Variants in ERICH6 observed in about 807,000 individuals in gnomAD.
ERICH6 encodes the protein glutamate-rich protein 6.
Under a neutral mutation model 71.0 loss-of-function variants are expected in ERICH6, and 71 were observed. The ratio of observed to expected loss-of-function variants is 1.00; its 90% confidence interval spans 0.83 to 1.22. The LOEUF (loss-of-function observed/expected upper bound fraction) is 1.22. Among genes scored for constraint, ERICH6 ranks in the 50% most tolerant of loss-of-function variants. ERICH6 has a pLI of 0.00. For missense variants in ERICH6, 808 were observed against 797.2 expected, an observed-to-expected ratio of 1.01 and a Z score of -0.16; for synonymous variants, 262 against 278.4, an observed-to-expected ratio of 0.94 and a Z score of 0.59.
chr3:150,684,752 A>G (rs766442070), intron 6 of ERICH6, among the ~76,000 whole-genome samples: 9 of 152,084 alleles, frequency 5.9e-5, no homozygotes, highest in Non-Finnish European at 1.0e-4. Flanking sequence ...TATAGCAAAT[A>G]TTCACCCATG....
In ERICH6 at chr3:150,702,270, CTTTTTT is replaced by C. The variant is rs63679260; in HGVS notation, c.404-98_404-93del. ...AGGAACACATGGCAATGTCTGGAGACTTTTTTTTTTTTTTTTTTTTTTTTGAGACGG... is the reference window on the plus strand; with the variant it reads ...AGGAACACATGGCAATGTCTGGAGACTTTTTTTTTTTTTTTTTTGAGACGG... On this transcript the variant is annotated intron_variant, in intron 1 of 13. Coordinates refer to ENST00000295910, the MANE Select transcript of ERICH6 (RefSeq NM_152394.5). 592 of 163,796 alleles carry C rather than the reference CTTTTTT, an allele frequency of 3.6e-3. 2 individuals are homozygous for C. Among genetic ancestry groups the C allele is most frequent in the South Asian group, 6.5e-3 (109 of 16,774 alleles). The allele number at this position is 163,796 out of a possible 1,614,324, so 10.1% of individuals were successfully genotyped here.
chr3:150,669,922 G>A (rs957014553), intron 11 of ERICH6, among the ~76,000 whole-genome samples: 1 of 152,168 alleles, frequency 6.6e-6, no homozygotes, highest in African/African-American at 2.4e-5. Flanking sequence ...GGCTGGGCAT[G>A]GTGGCTCATG....
intron 5 of ERICH6, 48 bp from the exon 6 acceptor site, chr3:150,685,906 T>C (rs1467322570): frequency 4.4e-6 from 7 of 1,604,976 alleles, no homozygotes; most frequent in Non-Finnish European, 6.0e-6. Context: ...AATTGAAGAT[T>C]TGATAAGCCA....
Position 150,695,638 on chromosome 3 carries a change from A to G in ERICH6, c.553+3153T>C, listed in dbSNP as rs537658113. On this transcript the variant is annotated intron_variant, in intron 3 of 13. Transcript: ENST00000295910. ...GGCCGAGATCGCGCCACTCCACTCC[A>G]GCCTGGCGACAGAGCGAGACTTCGT... Among the ~76,000 whole-genome samples the G allele has an allele frequency of 1.5e-4, 23 of 152,302 alleles. No individual in the cohort carries two copies. The South Asian group carries it at 4.3e-3, about 29-fold the overall frequency.
intron 7 of ERICH6, among the ~76,000 whole-genome samples, chr3:150,681,210 A>G (rs1002797726): frequency 6.6e-6 from 1 of 152,182 alleles, no homozygotes; most frequent in Non-Finnish European, 1.5e-5. Flanking sequence ...TTTCTTCTTC[A>G]CAGCCCCTGG....
rs572426918 is a variant in ERICH6 at position 150,691,988 on chromosome 3, C to T, written c.554-5634G>A. Among the ~76,000 whole-genome samples, 4 of 152,130 alleles carry T rather than the reference C, an allele frequency of 2.6e-5. No individual in the cohort carries two copies. The East Asian group carries it at 7.7e-4, about 29-fold the overall frequency. On this transcript the variant is annotated intron_variant, in intron 3 of 13. Transcript: ENST00000295910. Reference sequence around the variant, plus strand: ...CAGGGACTATCATGGAACAGATGGGCCTGTGAGATTGTAAGAGCCAATTTT... The same window carrying T: ...CAGGGACTATCATGGAACAGATGGGTCTGTGAGATTGTAAGAGCCAATTTT...
At chr3:150,702,571 C>A (rs1286921119) in intron 1 of ERICH6, among the ~76,000 whole-genome samples, 1 of 152,134 alleles carries the variant, frequency 6.6e-6, no homozygotes, top group Non-Finnish European at 1.5e-5. Context: ...CCACCGCGCC[C>A]GGCCTGGAGA....
intron 3 of ERICH6, among the ~76,000 whole-genome samples, chr3:150,696,274 T>C (rs1156247871): frequency 6.6e-6 from 1 of 152,114 alleles, no homozygotes; most frequent in Non-Finnish European, 1.5e-5. Context: ...GTTATTTTCT[T>C]AAGCCATTCA....
chr3:150,667,119 G>A, intron 12 of ERICH6, 104 bp from the exon 13 acceptor site: 1 of 1,033,182 alleles, frequency 9.7e-7, no homozygotes, highest in Non-Finnish European at 1.4e-6. Flanking sequence ...GTTTATGCCA[G>A]CGATTAGCAG....
chr3:150,666,162 G>A (rs1411613434), intron 13 of ERICH6, among the ~76,000 whole-genome samples: 5 of 152,168 alleles, frequency 3.3e-5, no homozygotes, highest in South Asian at 2.1e-4. Context: ...CTTAACCATC[G>A]TGCATTATTG....
At chr3:150,692,932 G>A (rs888916747) in intron 3 of ERICH6, among the ~76,000 whole-genome samples, 2 of 152,034 alleles carry the variant, frequency 1.3e-5, no homozygotes, top group Non-Finnish European at 2.9e-5. Context: ...CAGGACTCAT[G>A]GAGAGCTGAA....
At chr3:150,663,054 G>A (rs1230209591) in intron 13 of ERICH6, among the ~76,000 whole-genome samples, 1 of 152,142 alleles carries the variant, frequency 6.6e-6, no homozygotes, top group Non-Finnish European at 1.5e-5. Context: ...TCTTTATAGG[G>A]CCTTGGCTTT....
In ERICH6 at chr3:150,667,160, G is replaced by A. The variant is rs1727454498; in HGVS notation, c.1500-145C>T. 4 of 702,054 alleles carry A rather than the reference G, an allele frequency of 5.7e-6. No individual in the cohort carries two copies. The South Asian group carries it at 7.3e-5, about 13-fold the overall frequency. The allele number at this position is 702,054 out of a possible 1,614,324, so 43.5% of individuals were successfully genotyped here. A position where few individuals can be genotyped will look rare whatever the true frequency, so the allele number is the denominator to read the frequency against. ...GTGGAAACTTCAGGTAATCTTAGGAGTGATAATACTATGACTAAATTCTAC... is the reference window on the plus strand; with the variant it reads ...GTGGAAACTTCAGGTAATCTTAGGAATGATAATACTATGACTAAATTCTAC... On this transcript the variant is annotated intron_variant, in intron 12 of 13. Transcript: ENST00000295910.
At chr3:150,665,575 T>C (rs6769599) in intron 13 of ERICH6, among the ~76,000 whole-genome samples, 56,488 of 146,812 alleles carry the variant, frequency 0.38, 11,500 homozygotes, top group East Asian at 0.57. Context: ...GCCTGGAATC[T>C]CTGCACTTTC....
chr3:150,670,248 G>A (rs956709787), intron 11 of ERICH6, among the ~76,000 whole-genome samples: 2 of 152,010 alleles, frequency 1.3e-5, no homozygotes, highest in African/African-American at 4.8e-5. Context: ...ACTTGGGGAG[G>A]CTGAGGCGGG....
chr3:150,703,575 A>T lies in ERICH6; in HGVS notation c.324T>A (p.Ser108=). Residue 108 remains serine (S), a synonymous_variant, in exon 1 of 14, where the codon TCT becomes TCA. Transcript: ENST00000295910. ...LASIVSPSLT[S]TFVPSQSATS... ...TCGCGCTCTGGCTGGGCACGAACGT[A>T]GAGGTCAGGCTAGGGCTGACGATGC... 6.2e-7 allele frequency: 1 copy of T among 1,613,858 alleles called. No individual in the cohort carries two copies. Among genetic ancestry groups the T allele is most frequent in the Non-Finnish European group, 8.5e-7 (1 of 1,179,930 alleles).
chr3:150,703,504 G>T lies in ERICH6; in HGVS notation c.395C>A (p.Ser132Ter). The T allele has an allele frequency of 6.3e-7, 1 of 1,594,530 alleles. No individual in the cohort carries two copies. The highest frequency in any genetic ancestry group is 1.3e-5 in the African/African-American group (1 of 74,728). ...TGGGTCGGGGGCGGTACTTTTATGC[G>T]AGGAGGTGCTGGAGGGTGGGCTTGC... is the stretch of plus-strand genomic sequence containing the variant. ...PSASPPSSTSSHKSFPKIFQT... is the reference protein window; with the variant it reads ...PSASPPSSTS Residue 132 changes from serine (S) to a stop codon, truncating the protein, a stop_gained, in exon 1 of 14, where the codon TCG becomes TAG. Coordinates refer to ENST00000295910, the MANE Select transcript of ERICH6 (RefSeq NM_152394.5). LOFTEE classifies it high-confidence loss of function.
Position 150,691,582 on chromosome 3 carries a change from G to A in ERICH6, c.554-5228C>T, listed in dbSNP as rs111957153. On this transcript the variant is annotated intron_variant, in intron 3 of 13. Transcript: ENST00000295910. ...TTGTTTAAGAGAAAGGGATGTTCAGGACAAACCAGAAAGTCCAATCATGTC... is the reference window on the plus strand; with the variant it reads ...TTGTTTAAGAGAAAGGGATGTTCAGAACAAACCAGAAAGTCCAATCATGTC... Among the ~76,000 whole-genome samples the A allele has an allele frequency of 4.0e-3, 616 of 152,114 alleles. 7 individuals carry two copies. Among genetic ancestry groups the A allele is most frequent in the African/African-American group, 0.014 (577 of 41,518 alleles).
rs780105541 is a variant in ERICH6, at chr3:150,678,365, G to T, written c.1257+44C>A. On this transcript the variant is annotated intron_variant, in intron 10 of 13. Coordinates refer to ENST00000295910, the MANE Select transcript of ERICH6 (RefSeq NM_152394.5). Reference sequence around the variant, plus strand: ...AGACTTTATAATTTTAGGTAAAACTGGTTTTTTTTAAAATAGCAAGTAAAA... The same window carrying T: ...AGACTTTATAATTTTAGGTAAAACTTGTTTTTTTTAAAATAGCAAGTAAAA... 3.9e-6 allele frequency: 6 copies of T among 1,522,400 alleles called. No homozygotes were observed. In the Admixed American group the frequency reaches 1.2e-4, roughly 31 times the overall value. The allele number at this position is 1,522,400 out of a possible 1,614,324, so 94.3% of individuals were successfully genotyped here.
Sources: gnomAD v4.1 joint callset for allele counts (sites outside exome capture counted in the v4.1 genomes callset) on GRCh38, gnomAD v4.1.1 for gene constraint, MANE v1.5 for transcripts, NCBI Gene and HGNC (gene_info 2026-07-23, HGNC 2026-07-21) for gene names.